The following ABCB9 variants were observed in gnomAD, a reference collection of about 807,000 sequenced individuals.
ABCB9 encodes ABC-type oligopeptide transporter ABCB9.
In ABCB9, 36 loss-of-function variants were observed where a neutral mutation model predicts 62.0. The observed-to-expected ratio is 0.58, with a 90% CI of 0.45 to 0.77. The LOEUF is 0.77. Among genes scored for constraint, ABCB9 ranks in the 30% least tolerant of loss-of-function variants. ABCB9 has a pLI of 0.00. For missense variants in ABCB9, 943 were observed against 1,054.7 expected (o/e 0.89, Z 1.47); for synonymous variants, 435 against 461.4 (o/e 0.94, Z 0.73).
chr12:122,923,083 T>C (rs924132250), intron 11 of ABCB9, among the ~76,000 whole-genome samples: 1 of 151,840 alleles, frequency 6.6e-6, no homozygotes, highest in Non-Finnish European at 1.5e-5. Flanking sequence ...GTACTGGGAC[T>C]ACAGTTGTGA....
At chr12:122,953,241 C>T (rs1257490656) in intron 2 of ABCB9, among the ~76,000 whole-genome samples, 11 of 150,168 alleles carry the variant, frequency 7.3e-5, no homozygotes, top group African/African-American at 2.7e-4. Flanking sequence ...GAGATGGAGT[C>T]TCAGTCTGTT....
chr12:122,943,314 T>C (rs997979664), intron 7 of ABCB9, among the ~76,000 whole-genome samples: 5 of 152,200 alleles, frequency 3.3e-5, no homozygotes, highest in Non-Finnish European at 7.3e-5. Context: ...CCCCGTTTCC[T>C]GAGATCACCT....
downstream of ABCB9, among the ~76,000 whole-genome samples, chr12:122,925,158 C>T (rs4759360): frequency 0.033 from 5,033 of 152,152 alleles, 150 homozygotes; most frequent in East Asian, 0.16. Flanking sequence ...TGGGCTCAAG[C>T]GATCTGCCTG....
intron 1 of ABCB9, chr12:122,974,709 A>T (rs1014786400): frequency 2.6e-5 from 4 of 152,310 alleles, no homozygotes; most frequent in African/African-American, 9.7e-5. Context: ...TGGTGGAGAC[A>T]CTCACTGGGG....
At position 122,929,087 on chromosome 12, in the gene ABCB9, C is replaced by T. The variant is rs1274037330; in HGVS notation, c.*824G>A. 6 of 985,950 alleles carry T rather than the reference C, an allele frequency of 6.1e-6. No homozygotes were observed. The African/African-American group carries it at 1.0e-4, about 17-fold the overall frequency. 61.1% of individuals were successfully genotyped at this position (985,950 alleles called of 1,614,324 possible). On this transcript the variant is annotated 3_prime_UTR_variant, in exon 12 of 12. Transcript: ENST00000280560. The surrounding 1 kb of genome is among the most constrained non-coding windows in gnomAD (Gnocchi z 6.0). ...ATCCTGGGCTTTGCCACCATCCCAT[C>T]CACCAAAGACAGAAGAGAATGCATC...
chr12:122,939,451 TA>T (rs1369749892), intron 9 of ABCB9: 1 of 152,460 alleles, frequency 6.6e-6, no homozygotes, highest in Admixed American at 6.5e-5. Flanking sequence ...ATGAAGACTC[TA>T]AAAGTCAACA....
chr12:122,924,841 T>C (rs2034847365), downstream of ABCB9: 3 of 1,533,536 alleles, frequency 2.0e-6, no homozygotes, highest in Non-Finnish European at 2.6e-6. Flanking sequence ...ACAGTGACAT[T>C]TGCTAAATTA....
intron 3 of ABCB9, 56 bp from the exon 4 acceptor site, chr12:122,949,974 C>T (rs2036269786): frequency 1.2e-6 from 2 of 1,605,518 alleles, no homozygotes; most frequent in Admixed American, 1.7e-5. Context: ...AGTGACCACA[C>T]CCGGCTGCCC....
chr12:122,967,896 T>G (rs1314373793), upstream of ABCB9, among the ~76,000 whole-genome samples: 2 of 152,088 alleles, frequency 1.3e-5, no homozygotes, highest in African/African-American at 4.8e-5. Flanking sequence ...AACACTATGT[T>G]TTTTTTTAAC....
chr12:122,935,117 A>C (rs1191711090), intron 10 of ABCB9, among the ~76,000 whole-genome samples, 155 bp downstream of exon 10: 2 of 152,030 alleles, frequency 1.3e-5, no homozygotes, highest in African/African-American at 4.8e-5. Context: ...AGATTGCTTG[A>C]GCGCAGGAGG....
rs75749130 is a variant in ABCB9, at chr12:122,930,784, C to T, written c.2041-613G>A. Reference sequence around the variant, plus strand: ...CAAGGGTCTTTGTCTAGTTAGCCCACGATAACCCCAGAATGGTGCCTGGTG... The same window carrying T: ...CAAGGGTCTTTGTCTAGTTAGCCCATGATAACCCCAGAATGGTGCCTGGTG... On this transcript the variant is annotated intron_variant, in intron 11 of 11. Coordinates refer to ENST00000280560, the MANE Select transcript of ABCB9 (RefSeq NM_019625.4). The surrounding 1 kb of genome is among the most constrained non-coding windows in gnomAD (Gnocchi z 4.9). Among the ~76,000 whole-genome samples the T allele has an allele frequency of 2.3e-4, 35 of 152,230 alleles. No individual in the cohort carries two copies. Among genetic ancestry groups the T allele is most frequent in the African/African-American group, 7.7e-4 (32 of 41,544 alleles).
downstream of ABCB9, among the ~76,000 whole-genome samples, chr12:122,928,267 T>TG (rs1447014388): frequency 6.6e-6 from 1 of 151,990 alleles, no homozygotes; most frequent in Admixed American, 6.6e-5. Flanking sequence ...GTTAGGAGTT[T>TG]GAGACCAGCC....
chr12:122,923,243 C>T (rs897274702), intron 11 of ABCB9, among the ~76,000 whole-genome samples: 6 of 152,080 alleles, frequency 3.9e-5, no homozygotes, highest in African/African-American at 7.2e-5. Flanking sequence ...GCTGAAACTA[C>T]AGGCGTGCAC....
chr12:122,950,446 G>T lies in ABCB9; in HGVS notation c.716+5C>A. The T allele has an allele frequency of 1.2e-6, 2 of 1,608,058 alleles. No individual in the cohort carries two copies. On this transcript the variant is annotated splice_donor_5th_base_variant and intron_variant, in intron 3 of 11. Transcript: ENST00000280560. ...GGGGCAGGGCGTGGGGGTTGAGCCAGCTACCTGCCAATGGCCAGCAGGCAC... is the reference window on the plus strand; with the variant it reads ...GGGGCAGGGCGTGGGGGTTGAGCCATCTACCTGCCAATGGCCAGCAGGCAC...
rs779478053 is a variant in ABCB9, at chr12:122,959,713, G to T, written c.523C>A (p.Gln175Lys). The stretch of plus-strand genomic sequence containing the variant: ...GGCTTGGTGTAGGAGAGCAGCTTCT[G>T]CAGCGTGGCCCCAGACGCCTGCTCG... ...PPEQASGATL[Q>K]KLLSYTKPDV... The change falls in exon 2 of 12, where the codon CAG becomes AAG. Residue 175 changes from glutamine to lysine, a missense_variant. Physicochemically the swap from Gln to Lys is moderately conservative, Grantham distance 53. Coordinates refer to ENST00000280560, the MANE Select transcript of ABCB9 (RefSeq NM_019625.4). This position sits in a 1 kb window ranked among gnomAD's most constrained non-coding sequence, Gnocchi z 5.4. 1.9e-6 allele frequency: 3 copies of T among 1,610,050 alleles called. No homozygotes were observed. The highest frequency in any genetic ancestry group is 2.5e-6 in the Non-Finnish European group (3 of 1,177,776).
upstream of ABCB9, among the ~76,000 whole-genome samples, chr12:122,967,463 G>A (rs1242752233): frequency 6.6e-6 from 1 of 152,148 alleles, no homozygotes; most frequent in African/African-American, 2.4e-5. Flanking sequence ...GCAGCAGGTG[G>A]GGCTAGAACT....
intron 1 of ABCB9, among the ~76,000 whole-genome samples, chr12:122,962,602 G>T (rs147144803): frequency 6.6e-6 from 1 of 152,270 alleles, no homozygotes; most frequent in East Asian, 1.9e-4. Context: ...CAGACATTCA[G>T]CCAACAAGGG....
chr12:122,966,487 G>A (rs2037183395), upstream of ABCB9: 1 of 152,200 alleles, frequency 6.6e-6, no homozygotes, highest in Non-Finnish European at 1.5e-5. Flanking sequence ...ACAGGCTGAT[G>A]GACGGGGCGG....
intron 6 of ABCB9, 71 bp downstream of exon 6, chr12:122,945,954 A>T: frequency 6.7e-7 from 1 of 1,494,094 alleles, no homozygotes; most frequent in Non-Finnish European, 9.2e-7. Flanking sequence ...CTGATGTCCT[A>T]GATCGAGGGC....
Sources: allele counts gnomAD v4.1 joint callset (sites outside exome capture counted in the v4.1 genomes callset), GRCh38; gene constraint gnomAD v4.1.1; non-coding constraint Gnocchi (gnomAD v3.1); transcripts MANE v1.5; gene names NCBI Gene and HGNC (gene_info 2026-07-23, HGNC 2026-07-21).